Variants in CEP70 observed in about 807,000 individuals in gnomAD.
CEP70 encodes centrosomal protein of 70 kDa.
CEP70 carries 70 observed loss-of-function variants against 90.9 expected under a neutral mutation model. That is an observed-to-expected ratio of 0.77 (90% CI 0.64 to 0.94). The LOEUF (loss-of-function observed/expected upper bound fraction) is 0.94, where lower values mean the gene tolerates loss of function less well. Among genes scored for constraint, CEP70 ranks in the 40% least tolerant of loss-of-function variants. The probability of loss-of-function intolerance (pLI) is 0.00; values close to 1 mark genes in which losing one functional copy is unlikely to be tolerated. For synonymous variants in CEP70, 220 were observed against 228.3 expected, an observed-to-expected ratio of 0.96 and a Z score of 0.33; for missense variants, 648 against 669.0, an observed-to-expected ratio of 0.97 and a Z score of 0.35.
chr3:138,524,304 C>G (rs2036985510), intron 11 of CEP70, among the ~76,000 whole-genome samples: 1 of 151,814 alleles, frequency 6.6e-6, no homozygotes, highest in African/African-American at 2.4e-5. Context: ...CCATTCAGGA[C>G]ATAGGCATGG....
intron 2 of CEP70, among the ~76,000 whole-genome samples, chr3:138,588,992 A>G (rs1379453135): frequency 6.6e-6 from 1 of 152,240 alleles, no homozygotes; most frequent in African/African-American, 2.4e-5. Flanking sequence ...TTCCATTTAT[A>G]TAAAACTCTA....
intron 11 of CEP70, among the ~76,000 whole-genome samples, chr3:138,524,116 A>C (rs1231951584): frequency 3.6e-4 from 52 of 146,192 alleles, no homozygotes; most frequent in Admixed American, 8.8e-4. Context: ...CAAAAACAAG[A>C]AATGGGGAAA....
chr3:138,570,882 A>C (rs1215967311), intron 5 of CEP70, 152 bp downstream of exon 5: 1 of 590,086 alleles, frequency 1.7e-6, no homozygotes, highest in Non-Finnish European at 2.7e-6. Context: ...AGCTATTACC[A>C]AAAGATTTAC....
At chr3:138,534,074 G>T (rs777439143) in intron 7 of CEP70, among the ~76,000 whole-genome samples, 8 of 152,242 alleles carry the variant, frequency 5.3e-5, no homozygotes, top group Non-Finnish European at 5.9e-5. Context: ...GTAAGCCACT[G>T]CGCCCGGCCT....
At position 138,518,680 on chromosome 3, in the gene CEP70, G is replaced by A. The variant is rs1261055889; in HGVS notation, c.944+6810C>T. Among the ~76,000 whole-genome samples, 3 of 152,280 alleles carry A rather than the reference G, an allele frequency of 2.0e-5. No individual in the cohort carries two copies. The East Asian group carries it at 5.8e-4, about 29-fold the overall frequency. On this transcript the variant is annotated intron_variant, in intron 11 of 17. Transcript: ENST00000264982. ...GGACATCCACACCAAAACCCCATCTGTACATCATCATCATCAAAGACAAAA... is the reference window on the plus strand; with the variant it reads ...GGACATCCACACCAAAACCCCATCTATACATCATCATCATCAAAGACAAAA...
At chr3:138,517,863 G>A (rs544339386) in intron 11 of CEP70, among the ~76,000 whole-genome samples, 14 of 152,302 alleles carry the variant, frequency 9.2e-5, no homozygotes, top group Middle Eastern at 3.4e-3. Flanking sequence ...CGCACCGAGC[G>A]TGAGCCGAAG....
chr3:138,592,230 T>A (rs532006207), intron 1 of CEP70, among the ~76,000 whole-genome samples: 9 of 152,340 alleles, frequency 5.9e-5, no homozygotes, highest in Admixed American at 1.3e-4. Flanking sequence ...TTCTGACTTC[T>A]GGCTCCACAG....
At chr3:138,531,049 C>T (rs183261021) in intron 8 of CEP70, among the ~76,000 whole-genome samples, 18 of 152,226 alleles carry the variant, frequency 1.2e-4, no homozygotes. Flanking sequence ...AATAAGACAT[C>T]CAATCCAAAT....
chr3:138,494,854 T>C lies in CEP70; in HGVS notation c.*161A>G. The stretch of plus-strand genomic sequence containing the variant: ...TATTTTCTGTATAAGAATCTCAAAG[T>C]TAATAAAAATTATACAGATGAAGAA... On this transcript the variant is annotated 3_prime_UTR_variant, in exon 18 of 18. Transcript: ENST00000264982. The C allele has an allele frequency of 1.9e-6, 1 of 513,168 alleles. No homozygotes were observed. Among genetic ancestry groups the C allele is most frequent in the South Asian group, 2.6e-5 (1 of 38,406 alleles). The allele number at this position is 513,168 out of a possible 1,614,324, so 31.8% of individuals were successfully genotyped here.
chr3:138,565,983 AAAAC>A (rs1327481209), intron 6 of CEP70, among the ~76,000 whole-genome samples: 4 of 152,196 alleles, frequency 2.6e-5, no homozygotes, highest in South Asian at 2.1e-4. Context: ...TACAAGAAAA[AAAAC>A]AAACAACCCC....
At chr3:138,566,975 T>A (rs1287490097) in intron 6 of CEP70, among the ~76,000 whole-genome samples, 1 of 152,114 alleles carries the variant, frequency 6.6e-6, no homozygotes, top group Non-Finnish European at 1.5e-5. Context: ...AACTAAAATG[T>A]CCATCAACAG....
intron 11 of CEP70, among the ~76,000 whole-genome samples, chr3:138,514,843 A>G (rs972642472): frequency 6.6e-6 from 1 of 152,134 alleles, no homozygotes; most frequent in African/African-American, 2.4e-5. Context: ...GTTCTTCCAT[A>G]TACCAGTAAC....
At chr3:138,551,783 T>A (rs1205652461) in intron 6 of CEP70, among the ~76,000 whole-genome samples, 1 of 147,326 alleles carries the variant, frequency 6.8e-6, no homozygotes, top group Non-Finnish European at 1.5e-5. Flanking sequence ...ACCCAAAGTA[T>A]ACAGGCAAAA....
rs542557811 is a variant in CEP70 at position 138,508,266 on chromosome 3, T to A, written c.1050+173A>T. ...AGTCTCTTTTAAGTAGTAAGACGAA[T>A]TCTACAATGTTTTTAGTCAAATAGT... is the stretch of plus-strand genomic sequence containing the variant. On this transcript the variant is annotated intron_variant, in intron 12 of 17. Transcript: ENST00000264982. Among the ~76,000 whole-genome samples, 6 of 152,290 alleles carry A rather than the reference T, an allele frequency of 3.9e-5. No homozygotes were observed. The South Asian group carries it at 1.2e-3, about 32-fold the overall frequency.
rs1258256092 is a variant in CEP70, at chr3:138,523,027, T to C, written c.944+2463A>G. Among the ~76,000 whole-genome samples the C allele has an allele frequency of 8.5e-5, 13 of 152,280 alleles. No homozygotes were observed. The Middle Eastern group carries it at 0.014, about 159-fold the overall frequency. ...AGCACATCAAAAAGCTTATCCACCA[T>C]AGTCAAGTGGGCTTTATCCCTGGGA... On this transcript the variant is annotated intron_variant, in intron 11 of 17. Coordinates refer to ENST00000264982, the MANE Select transcript of CEP70 (RefSeq NM_024491.4).
At chr3:138,554,817 G>T (rs1286272261) in intron 6 of CEP70, among the ~76,000 whole-genome samples, 1 of 152,198 alleles carries the variant, frequency 6.6e-6, no homozygotes. Flanking sequence ...TTAGTCCTTT[G>T]TCGGATGTAT....
chr3:138,571,847 C>T (rs1480939611), intron 3 of CEP70, among the ~76,000 whole-genome samples: 7 of 152,150 alleles, frequency 4.6e-5, no homozygotes, highest in East Asian at 3.9e-4. Context: ...GGTACGATCT[C>T]GGCTCACTGC....
intron 7 of CEP70, among the ~76,000 whole-genome samples, chr3:138,534,613 C>T (rs541356446): frequency 7.2e-5 from 11 of 152,288 alleles, no homozygotes; most frequent in African/African-American, 2.4e-4. Context: ...TGCAACACTG[C>T]CGATCACCCT....
intron 2 of CEP70, among the ~76,000 whole-genome samples, chr3:138,583,017 G>A (rs1466598263): frequency 6.6e-6 from 1 of 152,036 alleles, no homozygotes. Context: ...CAATAACATT[G>A]AACATAAATG....
Sources: gnomAD v4.1 joint callset for allele counts (sites outside exome capture counted in the v4.1 genomes callset) on GRCh38, gnomAD v4.1.1 for gene constraint, MANE v1.5 for transcripts, NCBI Gene and HGNC (gene_info 2026-07-23, HGNC 2026-07-21) for gene names.